The following PCDHGA11 variants were observed in gnomAD, a reference collection of about 807,000 sequenced individuals.
PCDHGA11 encodes protocadherin gamma subfamily A, 11, also known as protocadherin gamma-A11.
A neutral mutation model predicts 60.4 loss-of-function variants in PCDHGA11; 39 were observed. The ratio of observed to expected loss-of-function variants is 0.65; its 90% CI spans 0.50 to 0.84. The LOEUF is 0.84. Among genes scored for constraint, PCDHGA11 ranks in the 40% least tolerant of loss-of-function variants. The pLI is 0.00. For missense variants in PCDHGA11, 1,165 were observed against 1,197.7 expected, an observed-to-expected ratio of 0.97 and a Z score of 0.40; for synonymous variants, 533 against 510.3, an observed-to-expected ratio of 1.04 and a Z score of -0.60.
At chr5:141,430,883 G>T in intron 1 of PCDHGA11, 1 of 1,601,036 alleles carries the variant, frequency 6.2e-7, no homozygotes, top group Non-Finnish European at 8.5e-7. Context: ...GCTGGAGAAA[G>T]GCTCTAGGGT....
At chr5:141,450,587 A>G (rs1396203849) in intron 1 of PCDHGA11, among the ~76,000 whole-genome samples, 1 of 151,720 alleles carries the variant, frequency 6.6e-6, no homozygotes, top group East Asian at 1.9e-4. Flanking sequence ...CCCAGGTTCA[A>G]GCAATTCTCC....
chr5:141,458,171 A>G (rs548935841), intron 1 of PCDHGA11, among the ~76,000 whole-genome samples: 74 of 152,336 alleles, frequency 4.9e-4, no homozygotes, highest in African/African-American at 1.6e-3. Flanking sequence ...TCACAGTAGT[A>G]TACCTTACTT....
intron 1 of PCDHGA11, among the ~76,000 whole-genome samples, chr5:141,470,239 A>G (rs978204909): frequency 1.3e-5 from 2 of 152,232 alleles, no homozygotes; most frequent in African/African-American, 2.4e-5. Flanking sequence ...AAACCCTTGA[A>G]TGTCCCACCT....
intron 1 of PCDHGA11, among the ~76,000 whole-genome samples, chr5:141,437,716 C>T (rs575174227): frequency 1.2e-4 from 18 of 151,782 alleles, no homozygotes; most frequent in Admixed American, 1.0e-3. Flanking sequence ...CACAGTTACC[C>T]TCTAATGTTA....
intron 1 of PCDHGA11, among the ~76,000 whole-genome samples, chr5:141,449,636 TA>T (rs1448731592): frequency 7.3e-5 from 11 of 150,610 alleles, no homozygotes; most frequent in Non-Finnish European, 1.2e-4. Flanking sequence ...AAGATGTATC[TA>T]TATATACATA....
chr5:141,462,781 G>A (rs893647456), intron 1 of PCDHGA11, among the ~76,000 whole-genome samples: 7 of 152,102 alleles, frequency 4.6e-5, no homozygotes, highest in African/African-American at 1.7e-4. Context: ...GTCATAATTT[G>A]TTGCTTATTT....
At position 141,485,651 on chromosome 5, in the gene PCDHGA11, G is replaced by A. The variant is rs752827268; in HGVS notation, c.2434-9156G>A. The A allele has an allele frequency of 6.8e-6, 11 of 1,612,228 alleles. No individual in the cohort carries two copies. The Admixed American group carries it at 1.3e-4, about 20-fold the overall frequency. ...TTTCCCGTTGGAAAAGGCTCAGGATGCAGATGTGGGGAGCAATTCGATTAG... is the reference window on the plus strand; with the variant it reads ...TTTCCCGTTGGAAAAGGCTCAGGATACAGATGTGGGGAGCAATTCGATTAG... On this transcript the variant is annotated intron_variant, in intron 1 of 3. Transcript: ENST00000398587. This position sits in a 1 kb window ranked among gnomAD's most constrained non-coding sequence, Gnocchi z 5.7.
Position 141,431,222 on chromosome 5 carries a change from C to A in PCDHGA11, c.2433+7562C>A. On this transcript the variant is annotated intron_variant, in intron 1 of 3. Transcript: ENST00000398587. The surrounding 1 kb of genome is among the most constrained non-coding windows in gnomAD (Gnocchi z 4.8). ...AGCCACTGAGATGCGGTTCCCTCTA[C>A]CCCACGCCTGGGATCCGGATATCGG... 3 of 1,614,170 alleles carry A rather than the reference C, an allele frequency of 1.9e-6. No individual in the cohort carries two copies. The highest frequency in any genetic ancestry group is 2.5e-6 in the Non-Finnish European group (3 of 1,180,034).
chr5:141,457,944 C>A (rs761151349), intron 1 of PCDHGA11, among the ~76,000 whole-genome samples: 33 of 152,310 alleles, frequency 2.2e-4, no homozygotes, highest in Non-Finnish European at 4.6e-4. Context: ...ATTGGCTCTG[C>A]ATGTCAAGCT....
intron 1 of PCDHGA11, 186 bp downstream of exon 1, chr5:141,423,846 C>G: frequency 1.6e-6 from 2 of 1,278,968 alleles, no homozygotes; most frequent in Non-Finnish European, 2.0e-6. Flanking sequence ...GATAATCTTT[C>G]AGAACGTTTT....
chr5:141,456,308 T>C (rs2098849199), intron 1 of PCDHGA11, among the ~76,000 whole-genome samples: 1 of 152,156 alleles, frequency 6.6e-6, no homozygotes, highest in Non-Finnish European at 1.5e-5. Context: ...GAACAGCAGC[T>C]AGGGCTCCTC....
intron 1 of PCDHGA11, among the ~76,000 whole-genome samples, chr5:141,450,503 T>G (rs1196541899): frequency 3.3e-5 from 5 of 152,258 alleles, no homozygotes; most frequent in Admixed American, 6.5e-5. Context: ...TTGTTTGTTT[T>G]GAGATGGAGT....
At chr5:141,500,152 A>C (rs1301287171) in intron 2 of PCDHGA11, among the ~76,000 whole-genome samples, 1 of 151,610 alleles carries the variant, frequency 6.6e-6, no homozygotes, top group African/African-American at 2.4e-5. Flanking sequence ...TTCTTTGTGT[A>C]ATCAAAGAAC....
At chr5:141,500,188 ATT>A (rs2099797463) in intron 2 of PCDHGA11, among the ~76,000 whole-genome samples, 1 of 98,146 alleles carries the variant, frequency 1.0e-5, no homozygotes, top group African/African-American at 5.1e-5. Flanking sequence ...TTTTATTTTT[ATT>A]TATTTATTTA....
Position 141,487,568 on chromosome 5 carries a change from C to G in PCDHGA11, c.2434-7239C>G, listed in dbSNP as rs752378906. The G allele has an allele frequency of 1.9e-6, 3 of 1,614,180 alleles. No homozygotes were observed. Among genetic ancestry groups the G allele is most frequent in the Non-Finnish European group, 2.5e-6 (3 of 1,180,042 alleles). ...ACCCAGTGCACCTATGGCAGGGGAG[C>G]CTGTTCGCCCAAGCTGCCCACCCTC... On this transcript the variant is annotated intron_variant, in intron 1 of 3. Transcript: ENST00000398587. This position sits in a 1 kb window ranked among gnomAD's most constrained non-coding sequence, Gnocchi z 5.0.
Position 141,485,567 on chromosome 5 carries a change from C to G in PCDHGA11, c.2434-9240C>G. The stretch of plus-strand genomic sequence containing the variant: ...CGTAGATGTGAATGATCACGCCCCC[C>G]GTTTTCCGCGGCAGCAGCTGGACTT... On this transcript the variant is annotated intron_variant, in intron 1 of 3. Transcript: ENST00000398587. This position sits in a 1 kb window ranked among gnomAD's most constrained non-coding sequence, Gnocchi z 5.7. 1 of 1,612,882 alleles carries G rather than the reference C, an allele frequency of 6.2e-7. No individual in the cohort carries two copies. The highest frequency in any genetic ancestry group is 8.5e-7 in the Non-Finnish European group (1 of 1,178,978).
At position 141,487,700 on chromosome 5, in the gene PCDHGA11, C is replaced by A; in HGVS notation, c.2434-7107C>A. On this transcript the variant is annotated intron_variant, in intron 1 of 3. Coordinates refer to ENST00000398587, the MANE Select transcript of PCDHGA11 (RefSeq NM_018914.3). This position sits in a 1 kb window ranked among gnomAD's most constrained non-coding sequence, Gnocchi z 5.0. ...AGGCCATGTCCTAGAGAGTACTGGCCTCTCAGTAAGTGCCCATAGTGATGT... is the reference window on the plus strand; with the variant it reads ...AGGCCATGTCCTAGAGAGTACTGGCATCTCAGTAAGTGCCCATAGTGATGT... The A allele has an allele frequency of 6.3e-7, 1 of 1,597,514 alleles. No homozygotes were observed. Among genetic ancestry groups the A allele is most frequent in the African/African-American group, 1.3e-5 (1 of 74,868 alleles).
intron 1 of PCDHGA11, among the ~76,000 whole-genome samples, chr5:141,438,458 G>A (rs1462204360): frequency 6.6e-6 from 1 of 151,538 alleles, no homozygotes. Context: ...CAATGCTTGA[G>A]TTCAATTATT....
At chr5:141,424,491 G>T (rs2096824224) in intron 1 of PCDHGA11, 1 of 152,122 alleles carries the variant, frequency 6.6e-6, no homozygotes, top group South Asian at 2.1e-4. Context: ...GTCTGTGTTT[G>T]TATGTATGGA....
Sources: gnomAD v4.1 joint callset for allele counts (sites outside exome capture counted in the v4.1 genomes callset) on GRCh38, gnomAD v4.1.1 for gene constraint, Gnocchi (gnomAD v3.1) non-coding constraint, MANE v1.5 for transcripts, NCBI Gene and HGNC (gene_info 2026-07-23, HGNC 2026-07-21) for gene names.